PEAK1: variants seen among roughly 807,000 people sequenced by gnomAD.
The protein encoded by PEAK1 is inactive tyrosine-protein kinase PEAK1.
In PEAK1, 54 loss-of-function variants were observed where a neutral mutation model predicts 124.7. The ratio of observed to expected loss-of-function variants is 0.43; its 90% CI spans 0.35 to 0.54. PEAK1 has a LOEUF of 0.54. Among genes scored for constraint, PEAK1 ranks in the 20% least tolerant of loss-of-function variants. The pLI, the probability that PEAK1 is intolerant of heterozygous loss-of-function variation, is 0.01. For synonymous variants in PEAK1, 719 were observed against 760.0 expected (o/e 0.95, Z 0.89); for missense variants, 2,046 against 2,134.5 (o/e 0.96, Z 0.82).
intron 5 of PEAK1, among the ~76,000 whole-genome samples, chr15:77,259,443 T>A (rs1238220207): frequency 1.3e-5 from 2 of 152,200 alleles, no homozygotes; most frequent in Non-Finnish European, 2.9e-5. Context: ...AAGTTTGTAA[T>A]GGGCTCTCTG....
chr15:77,358,581 C>T lies in PEAK1; in HGVS notation c.-603+6582G>A, dbSNP rs187079745. Among the ~76,000 whole-genome samples the T allele has an allele frequency of 4.2e-3, 636 of 152,248 alleles. 5 individuals carry two copies. The highest frequency in any genetic ancestry group is 6.5e-3 in the Non-Finnish European group (441 of 68,008). On this transcript the variant is annotated intron_variant, in intron 2 of 9. Transcript: ENST00000682557. ...TTTGCTTCTGTGATATTTCTCTCTCCCGGCTCTCCACTGAGCATTGGGGGA... is the reference window on the plus strand; with the variant it reads ...TTTGCTTCTGTGATATTTCTCTCTCTCGGCTCTCCACTGAGCATTGGGGGA...
chr15:77,374,607 A>C lies in PEAK1; in HGVS notation c.-665-9382T>G, dbSNP rs112228383. Among the ~76,000 whole-genome samples the C allele has an allele frequency of 1.8e-4, 27 of 152,228 alleles. 1 individual carries two copies. Among genetic ancestry groups the C allele is most frequent in the African/African-American group, 6.0e-4 (25 of 41,564 alleles). On this transcript the variant is annotated intron_variant, in intron 1 of 9. Transcript: ENST00000682557. ...TTGAACTTATAAATGGTGATATAAC[A>C]ATCTTTTTAGGCTCCTTCCTTTCTG...
intron 2 of PEAK1, among the ~76,000 whole-genome samples, chr15:77,307,277 C>G (rs976177410): frequency 2.0e-5 from 3 of 151,834 alleles, no homozygotes; most frequent in African/African-American, 7.3e-5. Context: ...AATGAGGGGA[C>G]TGGACACAAT....
chr15:77,148,913 C>A (rs1289183027), intron 8 of PEAK1, among the ~76,000 whole-genome samples: 2 of 152,012 alleles, frequency 1.3e-5, no homozygotes, highest in East Asian at 1.9e-4. Flanking sequence ...TAGAGCAAGA[C>A]CCTGTCGCTA....
Position 77,224,678 on chromosome 15 carries a change from GCA to G in PEAK1, c.-115+27687_-115+27688del, listed in dbSNP as rs148875996. ...GGGGCAAAGGAAGCTGTAAGTGAAT[GCA>G]CACTGTATCAGCTGGAGTCCCCAGA... On this transcript the variant is annotated intron_variant, in intron 6 of 9. Transcript: ENST00000682557. Among the ~76,000 whole-genome samples, 1,346 of 152,132 alleles carry G rather than the reference GCA, an allele frequency of 8.8e-3. 20 individuals are homozygous for G. Among genetic ancestry groups the G allele is most frequent in the African/African-American group, 0.03 (1,266 of 41,554 alleles).
chr15:77,310,033 A>G (rs2064343366), intron 2 of PEAK1, among the ~76,000 whole-genome samples: 2 of 152,192 alleles, frequency 1.3e-5, no homozygotes, highest in Admixed American at 1.3e-4. Flanking sequence ...AGTGGACTAA[A>G]TTTGTAAGGA....
chr15:77,178,377 A>G (rs1402973761), intron 7 of PEAK1: 1 of 187,120 alleles, frequency 5.3e-6, no homozygotes, highest in Admixed American at 5.8e-5. Context: ...ATAAAAAACA[A>G]AAAGAATTGC....
intron 2 of PEAK1, chr15:77,331,231 C>A (rs555309393): frequency 7.0e-4 from 117 of 167,800 alleles, no homozygotes; most frequent in South Asian, 2.5e-3. Context: ...CTGGGCGCAA[C>A]TGATTCTCAT....
intron 2 of PEAK1, among the ~76,000 whole-genome samples, chr15:77,318,108 T>A (rs901615399): frequency 6.6e-6 from 1 of 152,070 alleles, no homozygotes; most frequent in African/African-American, 2.4e-5. Context: ...CAGCTTTGTA[T>A]CTTGACTATT....
intron 1 of PEAK1, chr15:77,401,971 G>T (rs2071405654): frequency 1.1e-6 from 1 of 891,556 alleles, no homozygotes; most frequent in Non-Finnish European, 1.3e-6. Context: ...GGCCAACGTG[G>T]GCAGATCACC....
rs142228963 is a variant in PEAK1, at chr15:77,339,798, C to A, written c.-603+25365G>T. On this transcript the variant is annotated intron_variant, in intron 2 of 9. Transcript: ENST00000682557. ...AAATATACATAGAACTCAAACTCCA[C>A]ATTAAGAAAACAATCTGATTAAAAA... Among the ~76,000 whole-genome samples, 591 of 152,266 alleles carry A rather than the reference C, an allele frequency of 3.9e-3. 4 individuals are homozygous for A. The highest frequency in any genetic ancestry group is 0.014 in the African/African-American group (567 of 41,550).
At chr15:77,261,262 G>A (rs2061423755) in intron 5 of PEAK1, among the ~76,000 whole-genome samples, 2 of 152,202 alleles carry the variant, frequency 1.3e-5, no homozygotes, top group African/African-American at 4.8e-5. Flanking sequence ...ATGGAACAAA[G>A]CCGGATGGAG....
intron 5 of PEAK1, among the ~76,000 whole-genome samples, chr15:77,258,928 A>T (rs12908288): frequency 0.074 from 11,301 of 152,198 alleles, 560 homozygotes; most frequent in Non-Finnish European, 0.1. Context: ...GAGAGTTTTT[A>T]GCATGAAGGG....
intron 2 of PEAK1, among the ~76,000 whole-genome samples, chr15:77,318,713 T>A (rs1274134513): frequency 6.6e-6 from 1 of 152,034 alleles, no homozygotes; most frequent in Non-Finnish European, 1.5e-5. Flanking sequence ...TTAGAATAAA[T>A]ACCTATTCTA....
chr15:77,170,959 G>A (rs1262170649), intron 7 of PEAK1, among the ~76,000 whole-genome samples: 1 of 152,134 alleles, frequency 6.6e-6, no homozygotes, highest in Non-Finnish European at 1.5e-5. Flanking sequence ...TCACAGACCA[G>A]ATTAACCACC....
At chr15:77,388,031 T>C (rs149522694) in intron 1 of PEAK1, among the ~76,000 whole-genome samples, 1 of 152,162 alleles carries the variant, frequency 6.6e-6, no homozygotes, top group East Asian at 1.9e-4. Flanking sequence ...GTTCTAAGTA[T>C]ATATAGCTGA....
intron 6 of PEAK1, among the ~76,000 whole-genome samples, chr15:77,220,435 T>A (rs546046821): frequency 1.1e-3 from 163 of 150,704 alleles, no homozygotes; most frequent in Non-Finnish European, 2.0e-3. Context: ...GATAGGTATA[T>A]GAGAAATTAC....
intron 6 of PEAK1, among the ~76,000 whole-genome samples, chr15:77,248,676 AC>A (rs1260815648): frequency 4.6e-5 from 7 of 152,206 alleles, no homozygotes; most frequent in Non-Finnish European, 1.0e-4. Context: ...AGCCTTCAGA[AC>A]CATGAGAAAT....
intron 8 of PEAK1, among the ~76,000 whole-genome samples, chr15:77,149,280 T>C (rs968866338): frequency 6.6e-6 from 1 of 152,232 alleles, no homozygotes; most frequent in Admixed American, 6.5e-5. Flanking sequence ...ATGGTAAGCC[T>C]TGAATTTTTC....
Sources: allele counts gnomAD v4.1 joint callset (sites outside exome capture counted in the v4.1 genomes callset), GRCh38; gene constraint gnomAD v4.1.1; transcripts MANE v1.5; gene names NCBI Gene and HGNC (gene_info 2026-07-23, HGNC 2026-07-21).